The following ADAMTSL3 variants were observed in gnomAD, a reference collection of about 807,000 sequenced individuals.
ADAMTSL3 encodes the protein ADAMTS like 3.
In ADAMTSL3, 128 loss-of-function variants were observed where a neutral mutation model predicts 201.7. The observed-to-expected ratio is 0.63, with a 90% CI of 0.55 to 0.73. ADAMTSL3 has a LOEUF of 0.73. Ranked by LOEUF, ADAMTSL3 falls within the 30% of genes least tolerant of loss-of-function variation. ADAMTSL3 has a pLI of 0.00. For synonymous variants in ADAMTSL3, 738 were observed against 748.4 expected (o/e 0.99, Z 0.23); for missense variants, 1,990 against 2,119.6 (o/e 0.94, Z 1.20).
At chr15:83,944,697 C>G (rs535953989) in intron 19 of ADAMTSL3, among the ~76,000 whole-genome samples, 2 of 152,324 alleles carry the variant, frequency 1.3e-5, no homozygotes, top group South Asian at 4.1e-4. Context: ...ACACTCCTGT[C>G]TTTTATGCAA....
At chr15:83,870,017 G>T (rs1024426769) in intron 8 of ADAMTSL3, among the ~76,000 whole-genome samples, 11 of 152,100 alleles carry the variant, frequency 7.2e-5, no homozygotes, top group Non-Finnish European at 1.5e-4. Context: ...AAAGAAAGAG[G>T]GAGGAAAGAC....
chr15:84,023,219 C>G (rs902033728), intron 26 of ADAMTSL3, among the ~76,000 whole-genome samples: 16 of 152,144 alleles, frequency 1.1e-4, no homozygotes, highest in African/African-American at 3.6e-4. Context: ...AACACAGACC[C>G]TAGCAGATAG....
chr15:83,813,648 C>G (rs948437794), intron 5 of ADAMTSL3, among the ~76,000 whole-genome samples: 1 of 152,192 alleles, frequency 6.6e-6, no homozygotes, highest in African/African-American at 2.4e-5. Flanking sequence ...CTCAGGTTCA[C>G]TCTGTCAGGG....
At position 83,990,365 on chromosome 15, in the gene ADAMTSL3, A is replaced by G. The variant is rs2067560336; in HGVS notation, c.3845-721A>G. Among the ~76,000 whole-genome samples the G allele has an allele frequency of 3.3e-5, 5 of 152,190 alleles. No individual in the cohort carries two copies. The South Asian group carries it at 1.0e-3, about 32-fold the overall frequency. On this transcript the variant is annotated intron_variant, in intron 22 of 29. Coordinates refer to ENST00000286744, the MANE Select transcript of ADAMTSL3 (RefSeq NM_207517.3). ...CAGAAAAACTTTATAAGGATTAGGTACCACATTTATATTGAAAATGCCTGT... is the reference window on the plus strand; with the variant it reads ...CAGAAAAACTTTATAAGGATTAGGTGCCACATTTATATTGAAAATGCCTGT...
intron 23 of ADAMTSL3, among the ~76,000 whole-genome samples, chr15:84,006,721 AAC>A (rs1229285596): frequency 1.3e-5 from 2 of 152,240 alleles, no homozygotes; most frequent in African/African-American, 4.8e-5. Flanking sequence ...TAGCTGTTGC[AAC>A]AGAGCAAATG....
chr15:83,846,210 T>C (rs537839941), intron 7 of ADAMTSL3, among the ~76,000 whole-genome samples: 2 of 152,220 alleles, frequency 1.3e-5, no homozygotes, highest in Non-Finnish European at 1.5e-5. Context: ...CCCCAGGGTT[T>C]GTATGCTTAC....
intron 2 of ADAMTSL3, among the ~76,000 whole-genome samples, chr15:83,664,952 G>A (rs149132732): frequency 6.6e-6 from 1 of 152,282 alleles, no homozygotes; most frequent in African/African-American, 2.4e-5. Flanking sequence ...GCATGTAAAG[G>A]ATTTTACTCA....
chr15:83,966,783 T>A lies in ADAMTSL3; in HGVS notation c.2491-3701T>A, dbSNP rs184817873. On this transcript the variant is annotated intron_variant, in intron 19 of 29. Transcript: ENST00000286744. The stretch of plus-strand genomic sequence containing the variant: ...TGAACATCAATGCGAAAATCTTCAA[T>A]AAAATATTGGCAAACTGAATCCAGC... 8.7e-4 allele frequency among the ~76,000 whole-genome samples: 133 copies of A among 152,216 alleles called. No individual in the cohort carries two copies. The East Asian group carries it at 0.024, about 27-fold the overall frequency.
intron 4 of ADAMTSL3, among the ~76,000 whole-genome samples, chr15:83,779,843 T>G (rs1792511862): frequency 6.6e-6 from 1 of 151,856 alleles, no homozygotes; most frequent in Non-Finnish European, 1.5e-5. Context: ...GGGTAAATAA[T>G]GAATTTAGGG....
intron 2 of ADAMTSL3, among the ~76,000 whole-genome samples, chr15:83,674,028 T>C (rs748853822): frequency 1.3e-5 from 2 of 150,634 alleles, no homozygotes; most frequent in African/African-American, 2.5e-5. Flanking sequence ...TACCCTCTTA[T>C]AGGTTTTTAT....
At chr15:83,796,466 T>A (rs1001510274) in intron 4 of ADAMTSL3, among the ~76,000 whole-genome samples, 7 of 152,188 alleles carry the variant, frequency 4.6e-5, no homozygotes, top group African/African-American at 1.7e-4. Flanking sequence ...AAAAAATGTG[T>A]AAGACCTTTA....
intron 3 of ADAMTSL3, among the ~76,000 whole-genome samples, chr15:83,728,251 A>G (rs981640045): frequency 4.0e-5 from 6 of 149,780 alleles, no homozygotes; most frequent in African/African-American, 7.4e-5. Flanking sequence ...GTGTGTCTTT[A>G]TAGGCGAAGT....
chr15:83,911,578 C>G (rs1032286363), intron 15 of ADAMTSL3, among the ~76,000 whole-genome samples: 1 of 152,184 alleles, frequency 6.6e-6, no homozygotes, highest in Non-Finnish European at 1.5e-5. Context: ...CAAGCCCTCA[C>G]ATGGAATCTG....
At chr15:83,811,091 T>C (rs1407454069) in intron 5 of ADAMTSL3, among the ~76,000 whole-genome samples, 1 of 152,138 alleles carries the variant, frequency 6.6e-6, no homozygotes, top group Non-Finnish European at 1.5e-5. Context: ...GGCATTGTTC[T>C]CCCACCTGGA....
chr15:83,667,285 A>G (rs2061261036), intron 2 of ADAMTSL3, among the ~76,000 whole-genome samples: 1 of 152,170 alleles, frequency 6.6e-6, no homozygotes, highest in Non-Finnish European at 1.5e-5. Flanking sequence ...GTTGGTATCC[A>G]CTAAGGCAAG....
intron 6 of ADAMTSL3, among the ~76,000 whole-genome samples, chr15:83,821,873 T>C (rs2063874814): frequency 6.7e-6 from 1 of 149,302 alleles, no homozygotes; most frequent in East Asian, 2.1e-4. Flanking sequence ...GGCTGGGGGC[T>C]GACCCCCCCA....
At chr15:83,663,365 T>C (rs1424428982) in intron 2 of ADAMTSL3, among the ~76,000 whole-genome samples, 1 of 152,220 alleles carries the variant, frequency 6.6e-6, no homozygotes. Flanking sequence ...TCCATTGTAG[T>C]TATGGTTATA....
chr15:83,912,794 C>A (rs1944692678), intron 15 of ADAMTSL3, among the ~76,000 whole-genome samples: 1 of 152,108 alleles, frequency 6.6e-6, no homozygotes, highest in Admixed American at 6.5e-5. Flanking sequence ...TTATTTATTA[C>A]TAAATCTTAA....
chr15:83,842,845 G>A (rs1164403876), intron 7 of ADAMTSL3, among the ~76,000 whole-genome samples: 1 of 152,182 alleles, frequency 6.6e-6, no homozygotes, highest in African/African-American at 2.4e-5. Flanking sequence ...TGTAATGGAA[G>A]TACGTAGAGT....
Sources: gnomAD v4.1 joint callset for allele counts (sites outside exome capture counted in the v4.1 genomes callset) on GRCh38, gnomAD v4.1.1 for gene constraint, MANE v1.5 for transcripts, NCBI Gene and HGNC (gene_info 2026-07-23, HGNC 2026-07-21) for gene names.